Variants in INPP4B observed in about 807,000 individuals in gnomAD.
INPP4B encodes inositol polyphosphate-4-phosphatase type II B.
Under a neutral mutation model 122.5 loss-of-function variants are expected in INPP4B, and 55 were observed. The observed-to-expected ratio is 0.45, with a 90% CI of 0.36 to 0.56. INPP4B has a LOEUF of 0.56. INPP4B is among the 20% of genes least tolerant of loss of function. The probability of loss-of-function intolerance (pLI) is 0.00; values close to 1 mark genes in which losing one functional copy is unlikely to be tolerated. For missense variants in INPP4B, 1,000 were observed against 1,097.7 expected (o/e 0.91, Z 1.26); for synonymous variants, 403 against 388.7 (o/e 1.04, Z -0.43).
chr4:142,086,050 A>G (rs948289875), intron 24 of INPP4B, 94 bp downstream of exon 24: 3 of 818,034 alleles, frequency 3.7e-6, no homozygotes, highest in African/African-American at 1.7e-5. Flanking sequence ...CTGGCAACCC[A>G]AAGTGCAGAG....
At chr4:142,246,403 T>G (rs1379780224) in intron 11 of INPP4B, among the ~76,000 whole-genome samples, 1 of 152,304 alleles carries the variant, frequency 6.6e-6, no homozygotes, top group Non-Finnish European at 1.5e-5. Context: ...GCCACTTTCA[T>G]GATATTAATT....
At chr4:142,653,173 C>G (rs183107287) in intron 2 of INPP4B, among the ~76,000 whole-genome samples, 1 of 152,098 alleles carries the variant, frequency 6.6e-6, no homozygotes, top group African/African-American at 2.4e-5. Context: ...TAGCCATATG[C>G]AGAAAGCTGA....
intron 25 of INPP4B, among the ~76,000 whole-genome samples, chr4:142,051,119 A>C (rs1754355290): frequency 6.6e-6 from 1 of 152,016 alleles, no homozygotes; most frequent in South Asian, 2.1e-4. Flanking sequence ...GTATAAGTTA[A>C]AATAAATATA....
rs188971078 is a variant in INPP4B, at chr4:142,269,995, A to G, written c.615+668T>C. Among the ~76,000 whole-genome samples the G allele has an allele frequency of 6.5e-3, 994 of 152,286 alleles. 9 individuals carry two copies. Among genetic ancestry groups the G allele is most frequent in the Admixed American group, 6.7e-3 (102 of 15,296 alleles). ...TAAAACAGGCAATTGCATTCCTAAG[A>G]AATAAATTTAGGCTAATATTTACAT... On this transcript the variant is annotated intron_variant, in intron 10 of 25. Transcript: ENST00000262992.
intron 7 of INPP4B, among the ~76,000 whole-genome samples, chr4:142,369,212 A>G (rs1788776361): frequency 6.6e-6 from 1 of 152,132 alleles, no homozygotes; most frequent in African/African-American, 2.4e-5. Context: ...TCTTTCCAAG[A>G]GACATCAAAA....
intron 1 of INPP4B, among the ~76,000 whole-genome samples, chr4:142,788,803 C>T (rs2151056191): frequency 6.6e-6 from 1 of 152,154 alleles, no homozygotes; most frequent in East Asian, 1.9e-4. Context: ...TTAATTCATT[C>T]CTTTTATGGC....
chr4:142,057,263 A>G (rs546877253), intron 25 of INPP4B, among the ~76,000 whole-genome samples: 1 of 152,152 alleles, frequency 6.6e-6, no homozygotes, highest in Admixed American at 6.6e-5. Context: ...AAAATCACTC[A>G]TAAGCCTTTC....
rs62328325 is a variant in INPP4B at position 142,439,299 on chromosome 4, C to T, written c.-126-7914G>A. ...TGAGGCTCTTCCTGTGTAATTCTCCCCCTTCCGTCTCTGTGTGGAAGTGTC... is the reference window on the plus strand; with the variant it reads ...TGAGGCTCTTCCTGTGTAATTCTCCTCCTTCCGTCTCTGTGTGGAAGTGTC... On this transcript the variant is annotated intron_variant, in intron 3 of 25. Coordinates refer to ENST00000262992, the MANE Select transcript of INPP4B (RefSeq NM_001101669.3). Among the ~76,000 whole-genome samples, 972 of 152,264 alleles carry T rather than the reference C, an allele frequency of 6.4e-3. 6 individuals carry two copies. The highest frequency in any genetic ancestry group is 9.4e-3 in the Admixed American group (144 of 15,296).
intron 2 of INPP4B, among the ~76,000 whole-genome samples, chr4:142,531,799 A>T (rs1224512452): frequency 6.6e-6 from 1 of 152,172 alleles, no homozygotes; most frequent in Non-Finnish European, 1.5e-5. Context: ...TTTCTCAACA[A>T]AGGAGCCAGA....
chr4:142,398,401 AATATATATATATATATATATATATAT>A (rs1206023677), intron 7 of INPP4B, among the ~76,000 whole-genome samples: 2 of 28,500 alleles, frequency 7.0e-5, no homozygotes, highest in Non-Finnish European at 1.3e-4. Context: ...AAAAAAAAAA[AATATATATATATATATATATATATAT>A]ATATATATAT....
chr4:142,668,262 T>C (rs994375767), intron 2 of INPP4B, among the ~76,000 whole-genome samples: 1 of 152,144 alleles, frequency 6.6e-6, no homozygotes, highest in Admixed American at 6.5e-5. Flanking sequence ...ACAAAACATA[T>C]GATCACTTCA....
At chr4:142,801,544 C>T (rs1023921361) in intron 1 of INPP4B, among the ~76,000 whole-genome samples, 1 of 152,196 alleles carries the variant, frequency 6.6e-6, no homozygotes, top group Non-Finnish European at 1.5e-5. Context: ...CCTGCCAACT[C>T]CATCTTCGAC....
chr4:142,661,973 C>G (rs902080563), intron 2 of INPP4B, among the ~76,000 whole-genome samples: 2 of 152,156 alleles, frequency 1.3e-5, no homozygotes, highest in African/African-American at 4.8e-5. Flanking sequence ...GTGGCTCACG[C>G]CTGTAATCCC....
Position 142,360,137 on chromosome 4 carries a change from A to G in INPP4B, c.372+42801T>C, listed in dbSNP as rs200712489. Among the ~76,000 whole-genome samples the G allele has an allele frequency of 5.9e-5, 9 of 152,076 alleles. No homozygotes were observed. In the East Asian group the frequency reaches 1.7e-3, roughly 30 times the overall value. On this transcript the variant is annotated intron_variant, in intron 7 of 25. Transcript: ENST00000262992. ...AACCATAAAATGGCCCCCATTATAG[A>G]CCCTGAGATCAGAATTCTGTTAACA...
chr4:142,424,479 G>C (rs897765915), intron 5 of INPP4B, among the ~76,000 whole-genome samples: 2 of 152,014 alleles, frequency 1.3e-5, no homozygotes, highest in Admixed American at 1.3e-4. Context: ...ACCAACTGGT[G>C]AGAACCATGA....
intron 2 of INPP4B, among the ~76,000 whole-genome samples, chr4:142,652,328 T>C (rs1315749196): frequency 2.0e-5 from 3 of 152,164 alleles, no homozygotes; most frequent in Non-Finnish European, 2.9e-5. Context: ...GAATGCCCTC[T>C]CTCACCACTC....
chr4:142,703,577 T>C (rs1172263512), intron 2 of INPP4B, among the ~76,000 whole-genome samples: 1 of 152,106 alleles, frequency 6.6e-6, no homozygotes, highest in Non-Finnish European at 1.5e-5. Context: ...GTTTGGAACA[T>C]AGGGTTTGAT....
chr4:142,509,178 C>T (rs937487014), intron 2 of INPP4B, among the ~76,000 whole-genome samples: 2 of 152,214 alleles, frequency 1.3e-5, no homozygotes, highest in Non-Finnish European at 2.9e-5. Flanking sequence ...CACTTGCTGA[C>T]ACCGTGCGGG....
chr4:142,355,386 T>C (rs890063063), intron 7 of INPP4B, among the ~76,000 whole-genome samples: 3 of 152,002 alleles, frequency 2.0e-5, no homozygotes, highest in African/African-American at 7.2e-5. Context: ...CACCAGAATA[T>C]GTATTTAAGG....
Sources: allele counts gnomAD v4.1 joint callset (sites outside exome capture counted in the v4.1 genomes callset), GRCh38; gene constraint gnomAD v4.1.1; transcripts MANE v1.5; gene names NCBI Gene and HGNC (gene_info 2026-07-23, HGNC 2026-07-21).